RASAL1: variants seen among roughly 807,000 people sequenced by gnomAD.
The protein encoded by RASAL1 is rasGAP-activating-like protein 1.
In RASAL1, 72 loss-of-function variants were observed where a neutral mutation model predicts 96.6. The observed-to-expected ratio is 0.75, with a 90% CI of 0.62 to 0.91. The LOEUF is 0.91. Ranked by LOEUF, RASAL1 falls within the 40% of genes least tolerant of loss-of-function variation. The pLI is 0.00. For missense variants in RASAL1, 1,016 were observed against 1,072.5 expected (o/e 0.95, Z 0.74); for synonymous variants, 405 against 430.4 (o/e 0.94, Z 0.73).
intron 1 of RASAL1, among the ~76,000 whole-genome samples, chr12:113,131,855 T>G (rs1350741647): frequency 6.6e-6 from 1 of 152,142 alleles, no homozygotes; most frequent in Non-Finnish European, 1.5e-5. Flanking sequence ...GGCTCCTTCC[T>G]GCCATTCAAG....
In RASAL1 at chr12:113,099,986, G is replaced by T. The variant is rs769890741; in HGVS notation, c.2361C>A (p.His787Gln). 3.1e-6 allele frequency: 5 copies of T among 1,613,850 alleles called. No homozygotes were observed. The Admixed American group carries it at 5.0e-5, about 16-fold the overall frequency. The change falls in exon 21 of 21, where the codon CAC becomes CAA. Residue 787 changes from histidine to glutamine, a missense_variant. Physicochemically the swap from His to Gln is conservative, Grantham distance 24. Coordinates refer to ENST00000548055, the MANE Select transcript of RASAL1 (RefSeq NM_001301202.2). ...LEVLADLDRAHEEFQQQERGK... is the reference protein window; with the variant it reads ...LEVLADLDRAQEEFQQQERGK... ...CTCGCTCCTGCTGCTGGAACTCCTC[G>T]TGGGCACGATCCAGGTCTGCGAGCA...
intron 5 of RASAL1, among the ~76,000 whole-genome samples, chr12:113,119,968 G>A (rs537578701): frequency 6.6e-6 from 1 of 152,222 alleles, no homozygotes; most frequent in South Asian, 2.1e-4. Flanking sequence ...GGCAGGTGAT[G>A]GGTGCTTGGT....
rs575391305 is a variant in RASAL1 at position 113,108,898 on chromosome 12, G to A, written c.1375-676C>T. On this transcript the variant is annotated intron_variant, in intron 13 of 20. Coordinates refer to ENST00000548055, the MANE Select transcript of RASAL1 (RefSeq NM_001301202.2). ...TGTTCAGGCTGGAGTGCAGTGGCAC[G>A]ATCTCTGCTTACTGCAACCTCCACC... Among the ~76,000 whole-genome samples, 39 of 147,738 alleles carry A rather than the reference G, an allele frequency of 2.6e-4. 1 individual carries two copies. The South Asian group carries it at 5.9e-3, about 23-fold the overall frequency.
chr12:113,110,698 C>G (rs1174757009), intron 13 of RASAL1, among the ~76,000 whole-genome samples: 2 of 152,090 alleles, frequency 1.3e-5, no homozygotes, highest in Non-Finnish European at 2.9e-5. Context: ...GGCAAGGGGA[C>G]TGCTTGAGGC....
intron 6 of RASAL1, 40 bp downstream of exon 6, chr12:113,119,322 A>G (rs1451675140): frequency 1.2e-6 from 2 of 1,612,736 alleles, no homozygotes; most frequent in Admixed American, 1.7e-5. Flanking sequence ...CCCACCACCA[A>G]ATGCCCCACT....
At chr12:113,114,473 CAAAAA>C (rs35235298) in intron 12 of RASAL1, among the ~76,000 whole-genome samples, 1 of 138,804 alleles carries the variant, frequency 7.2e-6, no homozygotes, top group Admixed American at 7.1e-5. Context: ...AACCTTGTCT[CAAAAA>C]AAAAAAAAAA....
chr12:113,120,989 G>A (rs1042336718), intron 5 of RASAL1, among the ~76,000 whole-genome samples: 2 of 152,200 alleles, frequency 1.3e-5, no homozygotes, highest in Admixed American at 1.3e-4. Context: ...GGAAATAGAA[G>A]TGATTTTTCT....
rs1951605571 is a variant in RASAL1, at chr12:113,129,082, AG to A, written c.123-905del. ...ATGGGCCCAGCCTGTGCTGGGCTCC[AG>A]GGATCAGAGGAACAGGTGTCAGGGC... On this transcript the variant is annotated intron_variant, in intron 2 of 20. Coordinates refer to ENST00000548055, the MANE Select transcript of RASAL1 (RefSeq NM_001301202.2). This position sits in a 1 kb window ranked among gnomAD's most constrained non-coding sequence, Gnocchi z 5.0. Among the ~76,000 whole-genome samples, 1 of 152,144 alleles carries A rather than the reference AG, an allele frequency of 6.6e-6. No individual in the cohort carries two copies. The highest frequency in any genetic ancestry group is 6.5e-5 in the Admixed American group (1 of 15,280).
intron 4 of RASAL1, among the ~76,000 whole-genome samples, chr12:113,125,093 C>T (rs1951432290): frequency 1.4e-5 from 2 of 141,360 alleles, no homozygotes; most frequent in Admixed American, 6.9e-5. Flanking sequence ...GAGAACTTGT[C>T]TCTTAAAAAA....
chr12:113,102,079 C>T (rs145669580), intron 18 of RASAL1, 70 bp from the exon 19 acceptor site: 26 of 1,554,278 alleles, frequency 1.7e-5, no homozygotes, highest in Middle Eastern at 1.8e-4. Context: ...GCCAGGCATT[C>T]GCCAAGCCGT....
rs567996980 is a variant in RASAL1 at position 113,127,892 on chromosome 12, G to A, written c.237-19C>T. The A allele has an allele frequency of 1.2e-5, 20 of 1,612,202 alleles. No homozygotes were observed. Among genetic ancestry groups the A allele is most frequent in the Admixed American group, 6.7e-5 (4 of 59,970 alleles). On this transcript the variant is annotated intron_variant, in intron 3 of 20. Coordinates refer to ENST00000548055, the MANE Select transcript of RASAL1 (RefSeq NM_001301202.2). ...GTCGTGCCTGCAGGAAGGCGGGCAC[G>A]TGAAGGTCTGAGTCAGGGGCCCCTT...
intron 4 of RASAL1, among the ~76,000 whole-genome samples, chr12:113,123,014 A>G (rs916693789): frequency 4.6e-5 from 7 of 152,186 alleles, no homozygotes; most frequent in African/African-American, 1.7e-4. Context: ...CCCTTTAACT[A>G]TGAATAATCT....
At position 113,112,151 on chromosome 12, in the gene RASAL1, T is replaced by C. The variant is rs1490325299; in HGVS notation, c.1309A>G (p.Met437Val). 1.6e-6 allele frequency: 2 copies of C among 1,253,228 alleles called. No homozygotes were observed. The highest frequency in any genetic ancestry group is 3.1e-5 in the East Asian group (1 of 31,760). The allele number at this position is 1,253,228 out of a possible 1,614,324, so 77.6% of individuals were successfully genotyped here. ...TGCAGCTGCTTGAAGGCGAGGCGCA[T>C]GGCGGGCGGGCAGCGCCCCACGGAG... ...VGSVGRCPPA[M>V]RLAFKQLHRR... The change falls in exon 13 of 21, where the codon ATG becomes GTG. Residue 437 changes from methionine to valine, a missense_variant. Coordinates refer to ENST00000548055, the MANE Select transcript of RASAL1 (RefSeq NM_001301202.2).
chr12:113,130,825 T>C lies in RASAL1; in HGVS notation c.122+60A>G. On this transcript the variant is annotated intron_variant, in intron 2 of 20. Transcript: ENST00000548055. The surrounding 1 kb of genome is among the most constrained non-coding windows in gnomAD (Gnocchi z 5.1). ...TAAATGTGAATTCTTGGTCCCAGAT[T>C]CCCCAGGTCTAGAAAGAGACCCCTC... The C allele has an allele frequency of 7.1e-7, 1 of 1,401,424 alleles. No individual in the cohort carries two copies. 86.8% of individuals were successfully genotyped at this position (1,401,424 alleles called of 1,614,324 possible).
intron 13 of RASAL1, among the ~76,000 whole-genome samples, chr12:113,110,027 G>T (rs1177867516): frequency 1.3e-5 from 2 of 152,306 alleles, no homozygotes; most frequent in South Asian, 2.1e-4. Flanking sequence ...ACTGATATTG[G>T]CTCACCATAC....
chr12:113,104,391 G>C lies in RASAL1; in HGVS notation c.1831-93C>G, dbSNP rs555198608. ...TGGTTGTGTGCAGCAGGTGGAGTCA[G>C]TTCCCAGCGGCGGGACATTCAACCC... On this transcript the variant is annotated intron_variant, in intron 16 of 20. Transcript: ENST00000548055. The C allele has an allele frequency of 2.5e-5, 32 of 1,291,374 alleles. No homozygotes were observed. The African/African-American group carries it at 4.2e-4, about 17-fold the overall frequency. 80.0% of individuals were successfully genotyped at this position (1,291,374 alleles called of 1,614,324 possible).
At chr12:113,106,743 A>G (rs1442192679) in intron 15 of RASAL1, among the ~76,000 whole-genome samples, 1 of 152,142 alleles carries the variant, frequency 6.6e-6, no homozygotes, top group Non-Finnish European at 1.5e-5. Context: ...CCAACAAAAT[A>G]AAAGCTCTGT....
intron 4 of RASAL1, among the ~76,000 whole-genome samples, chr12:113,124,747 T>C (rs1186145372): frequency 1.3e-5 from 2 of 152,232 alleles, no homozygotes; most frequent in African/African-American, 4.8e-5. Flanking sequence ...GCACCATGCC[T>C]GGCATATAGT....
Position 113,135,507 on chromosome 12 carries a change from C to T in RASAL1, c.-45G>A. On this transcript the variant is annotated 5_prime_UTR_variant, in exon 1 of 21. Transcript: ENST00000548055. This position sits in a 1 kb window ranked among gnomAD's most constrained non-coding sequence, Gnocchi z 5.7. Reference sequence around the variant, plus strand: ...TCCAGGCAGAAGGGCGCTCAGGTTCCGAGGCTGGACCAGGGGACGTCTACA... The same window carrying T: ...TCCAGGCAGAAGGGCGCTCAGGTTCTGAGGCTGGACCAGGGGACGTCTACA... 1 of 1,526,992 alleles carries T rather than the reference C, an allele frequency of 6.5e-7. No individual in the cohort carries two copies. Among genetic ancestry groups the T allele is most frequent in the Non-Finnish European group, 8.9e-7 (1 of 1,120,628 alleles). 94.6% of individuals were successfully genotyped at this position (1,526,992 alleles called of 1,614,324 possible).
Sources: gnomAD v4.1 joint callset for allele counts (sites outside exome capture counted in the v4.1 genomes callset) on GRCh38, gnomAD v4.1.1 for gene constraint, Gnocchi (gnomAD v3.1) non-coding constraint, MANE v1.5 for transcripts, NCBI Gene and HGNC (gene_info 2026-07-23, HGNC 2026-07-21) for gene names.